MYH9: variants seen among roughly 807,000 people sequenced by gnomAD.
The protein encoded by MYH9 is myosin heavy chain 9, also known as myosin-9.
A neutral mutation model predicts 241.9 loss-of-function variants in MYH9; 29 were observed. That is an observed-to-expected ratio of 0.12 (90% CI 0.09 to 0.16). MYH9 has a LOEUF of 0.16. Among genes scored for constraint, MYH9 ranks in the 10% least tolerant of loss-of-function variants. The pLI, the probability that MYH9 is intolerant of heterozygous loss-of-function variation, is 1.00. For synonymous variants in MYH9, 1,047 were observed against 1,062.6 expected, an observed-to-expected ratio of 0.99 and a Z score of 0.29; for missense variants, 1,803 against 2,595.5, an observed-to-expected ratio of 0.69 and a Z score of 6.63.
At chr22:36,290,960 C>T (rs1469904289) in intron 31 of MYH9, among the ~76,000 whole-genome samples, 1 of 151,820 alleles carries the variant, frequency 6.6e-6, no homozygotes, top group African/African-American at 2.4e-5. Context: ...GCAGCCGCCC[C>T]GTCTGAGAGG....
In MYH9 at chr22:36,338,327, G is replaced by A. The variant is rs762972116; in HGVS notation, c.490+3043C>T. Among the ~76,000 whole-genome samples the A allele has an allele frequency of 9.2e-5, 14 of 152,026 alleles. No individual in the cohort carries two copies. In the East Asian group the frequency reaches 1.5e-3, roughly 17 times the overall value. On this transcript the variant is annotated intron_variant, in intron 3 of 40. Transcript: ENST00000216181. ...AGAAGAAGGAAAATAGCCTAGAGAC[G>A]TCCTTCGTCAGTCAATGTGGGAGCT...
At chr22:36,317,398 G>A (rs956319503) in intron 11 of MYH9, among the ~76,000 whole-genome samples, 1 of 151,964 alleles carries the variant, frequency 6.6e-6, no homozygotes, top group Non-Finnish European at 1.5e-5. Context: ...TGTATTAAGA[G>A]TCATGTAGTA....
At chr22:36,374,875 T>C (rs1358152681) in intron 1 of MYH9, among the ~76,000 whole-genome samples, 1 of 152,132 alleles carries the variant, frequency 6.6e-6, no homozygotes, top group Non-Finnish European at 1.5e-5. Flanking sequence ...TCTGCCTGCG[T>C]CTGGGCAACT....
chr22:36,298,270 A>C (rs776887367), intron 24 of MYH9, among the ~76,000 whole-genome samples: 2 of 151,918 alleles, frequency 1.3e-5, no homozygotes, highest in Non-Finnish European at 2.9e-5. Flanking sequence ...CACTCCTCTC[A>C]AGGGGCAGGG....
In MYH9 at chr22:36,293,663, G is replaced by A; in HGVS notation, c.3942+96C>T. Reference sequence around the variant, plus strand: ...CACAGGATGAAGCAGATGAAGGAGAGGATGGGCAATCCGATGGGCTCTGAA... The same window carrying A: ...CACAGGATGAAGCAGATGAAGGAGAAGATGGGCAATCCGATGGGCTCTGAA... On this transcript the variant is annotated intron_variant, in intron 29 of 40. Transcript: ENST00000216181. This position sits in a 1 kb window ranked among gnomAD's most constrained non-coding sequence, Gnocchi z 5.1. The A allele has an allele frequency of 7.4e-7, 1 of 1,343,540 alleles. No individual in the cohort carries two copies. The highest frequency in any genetic ancestry group is 1.1e-6 in the Non-Finnish European group (1 of 951,664). The allele number at this position is 1,343,540 out of a possible 1,614,324, so 83.2% of individuals were successfully genotyped here.
Position 36,295,396 on chromosome 22 carries a change from GC to G in MYH9, c.3485+108del. 1.1e-6 allele frequency: 1 copy of G among 919,990 alleles called. No homozygotes were observed. The highest frequency in any genetic ancestry group is 1.7e-6 in the Non-Finnish European group (1 of 587,974). 57.0% of individuals were successfully genotyped at this position (919,990 alleles called of 1,614,324 possible). A position where few individuals can be genotyped will look rare whatever the true frequency, so the allele number is the denominator to read the frequency against. ...TCCATGCCTGCTGGTGCCTAAGAGG[GC>G]CACGGTGTGTGTGTGTGTGTGTGTG... is the stretch of plus-strand genomic sequence containing the variant. On this transcript the variant is annotated intron_variant, in intron 26 of 40. Transcript: ENST00000216181. This position sits in a 1 kb window ranked among gnomAD's most constrained non-coding sequence, Gnocchi z 4.1.
At chr22:36,322,790 G>A (rs1233478433) in intron 5 of MYH9, among the ~76,000 whole-genome samples, 4 of 152,214 alleles carry the variant, frequency 2.6e-5, no homozygotes, top group Non-Finnish European at 5.9e-5. Context: ...AGCTCCCTCA[G>A]CTCTAGGAAC....
chr22:36,381,515 C>CAAAAAA (rs772541129), intron 1 of MYH9, among the ~76,000 whole-genome samples: 1 of 124,596 alleles, frequency 8.0e-6, no homozygotes, highest in African/African-American at 2.9e-5. Flanking sequence ...GACTCCATCT[C>CAAAAAA]AAAAAAAAAA....
At chr22:36,333,701 C>T (rs540149660) in intron 3 of MYH9, among the ~76,000 whole-genome samples, 1 of 152,308 alleles carries the variant, frequency 6.6e-6, no homozygotes, top group Middle Eastern at 3.4e-3. Flanking sequence ...CTGATAACTT[C>T]ATTCCAGAAA....
rs1054989482 is a variant in MYH9 at position 36,300,071 on chromosome 22, A to G, written c.2976+56T>C. The stretch of plus-strand genomic sequence containing the variant: ...AGCCAGGCCCTGCAAGGGTGACCAC[A>G]CTCTCCCATCCACGGCGCCCCTGGA... On this transcript the variant is annotated intron_variant, in intron 23 of 40. Transcript: ENST00000216181. This position sits in a 1 kb window ranked among gnomAD's most constrained non-coding sequence, Gnocchi z 5.0. 2.5e-6 allele frequency: 4 copies of G among 1,600,284 alleles called. No individual in the cohort carries two copies. Among genetic ancestry groups the G allele is most frequent in the Non-Finnish European group, 3.4e-6 (4 of 1,178,156 alleles).
chr22:36,320,546 T>C lies in MYH9; in HGVS notation c.869-183A>G, dbSNP rs943801958. Reference sequence around the variant, plus strand: ...TGTCTGAGACTCTGACACTCCCGTCTCCTGGCCCAGGAGAGCGCCAGGTCC... The same window carrying C: ...TGTCTGAGACTCTGACACTCCCGTCCCCTGGCCCAGGAGAGCGCCAGGTCC... On this transcript the variant is annotated intron_variant, in intron 8 of 40. Coordinates refer to ENST00000216181, the MANE Select transcript of MYH9 (RefSeq NM_002473.6). This position sits in a 1 kb window ranked among gnomAD's most constrained non-coding sequence, Gnocchi z 4.8. Among the ~76,000 whole-genome samples, 1 of 152,142 alleles carries C rather than the reference T, an allele frequency of 6.6e-6. No individual in the cohort carries two copies. The highest frequency in any genetic ancestry group is 6.5e-5 in the Admixed American group (1 of 15,278).
chr22:36,322,561 A>C (rs1412156164), intron 5 of MYH9, 40 bp from the exon 6 acceptor site: 1 of 1,597,216 alleles, frequency 6.3e-7, no homozygotes, highest in Non-Finnish European at 8.6e-7. Flanking sequence ...CCGGGCAGCG[A>C]CCTGGGCTGC....
chr22:36,378,614 A>G (rs2018208311), intron 1 of MYH9, among the ~76,000 whole-genome samples: 1 of 151,954 alleles, frequency 6.6e-6, no homozygotes, highest in Non-Finnish European at 1.5e-5. Context: ...TGAAATATTG[A>G]TTTTTCGAGC....
chr22:36,307,903 AG>A (rs1003281000), intron 15 of MYH9, among the ~76,000 whole-genome samples: 10 of 151,490 alleles, frequency 6.6e-5, no homozygotes, highest in Non-Finnish European at 1.0e-4. Flanking sequence ...AAAAAAAAAA[AG>A]GGAGTCATCT....
intron 1 of MYH9, among the ~76,000 whole-genome samples, chr22:36,379,375 G>A (rs2018220103): frequency 6.6e-6 from 1 of 152,212 alleles, no homozygotes; most frequent in Admixed American, 6.5e-5. Context: ...CGGGCGTGGT[G>A]GCGGGTGCCT....
Position 36,312,070 on chromosome 22 carries a change from G to A in MYH9, c.1707C>T (p.Cys569=). ...TCACCTTGCCGGCATAGTGGATAAT[G>A]CAGAAATCAGCTTTGTCCTTCAGCT... ...PKQLKDKADF[C]IIHYAGKVDY... is the part of the protein sequence containing the mutation. Residue 569 remains cysteine, a synonymous_variant, in exon 14 of 41, where the codon TGC becomes TGT. Coordinates refer to ENST00000216181, the MANE Select transcript of MYH9 (RefSeq NM_002473.6). 5 of 1,614,142 alleles carry A rather than the reference G, an allele frequency of 3.1e-6. No individual in the cohort carries two copies. The highest frequency in any genetic ancestry group is 4.2e-6 in the Non-Finnish European group (5 of 1,180,016).
chr22:36,362,783 A>G (rs2017954322), intron 1 of MYH9, among the ~76,000 whole-genome samples: 1 of 152,146 alleles, frequency 6.6e-6, no homozygotes, highest in Admixed American at 6.6e-5. Flanking sequence ...GCCTGAAACC[A>G]TTTCTTAATG....
At chr22:36,335,478 T>C (rs1356088126) in intron 3 of MYH9, among the ~76,000 whole-genome samples, 1 of 152,184 alleles carries the variant, frequency 6.6e-6, no homozygotes, top group Admixed American at 6.5e-5. Flanking sequence ...GTGGCTTCCA[T>C]GGCGCTCCTT....
Position 36,349,250 on chromosome 22 carries a change from C to A in MYH9, c.-14G>T. 6.2e-7 allele frequency: 1 copy of A among 1,613,458 alleles called. No individual in the cohort carries two copies. The highest frequency in any genetic ancestry group is 8.5e-7 in the Non-Finnish European group (1 of 1,179,584). ...TTGCTGTGCCATGGTGACTTATAGC[C>A]AGGACCTAAGCGGGGAGGAGAAGGA... On this transcript the variant is annotated 5_prime_UTR_variant, in exon 2 of 41. Transcript: ENST00000216181.
Sources: allele counts gnomAD v4.1 joint callset (sites outside exome capture counted in the v4.1 genomes callset), GRCh38; gene constraint gnomAD v4.1.1; non-coding constraint Gnocchi (gnomAD v3.1); transcripts MANE v1.5; gene names NCBI Gene and HGNC (gene_info 2026-07-23, HGNC 2026-07-21).